EFCAB8: variants seen among roughly 807,000 people sequenced by gnomAD.
EFCAB8 encodes EF-hand calcium binding domain 8.
A neutral mutation model predicts 116.3 loss-of-function variants in EFCAB8; 100 were observed. That is an observed-to-expected ratio of 0.86 (90% CI 0.73 to 1.02). The LOEUF (loss-of-function observed/expected upper bound fraction) is 1.02, where lower values mean the gene tolerates loss of function less well. Among genes scored for constraint, EFCAB8 ranks in the 50% least tolerant of loss-of-function variants. EFCAB8 has a pLI of 0.00. For synonymous variants in EFCAB8, 558 were observed against 567.9 expected, an observed-to-expected ratio of 0.98 and a Z score of 0.25; for missense variants, 1,320 against 1,416.9, an observed-to-expected ratio of 0.93 and a Z score of 1.10.
At chr20:32,882,417 A>G (rs931338639) in intron 5 of EFCAB8, among the ~76,000 whole-genome samples, 10 of 152,198 alleles carry the variant, frequency 6.6e-5, no homozygotes, top group African/African-American at 1.9e-4. Flanking sequence ...CAGTTCCGGA[A>G]TCAGTCCTGG....
intron 20 of EFCAB8, among the ~76,000 whole-genome samples, chr20:32,922,444 C>T (rs11699338): frequency 0.61 from 92,290 of 151,998 alleles, 28,585 homozygotes; most frequent in Middle Eastern, 0.7. Context: ...ACATGCCAGC[C>T]GCTGGGGAAG....
chr20:32,954,772 C>G lies in EFCAB8; in HGVS notation c.2960-3649C>G, dbSNP rs535585810. Among the ~76,000 whole-genome samples the G allele has an allele frequency of 1.5e-3, 234 of 152,214 alleles. 1 individual carries two copies. The highest frequency in any genetic ancestry group is 5.5e-3 in the African/African-American group (230 of 41,528). The stretch of plus-strand genomic sequence containing the variant: ...AATAGGTGTTGAATTCTGTCAAACG[C>G]TTTTTCTGCTTCTACTGTGATAATC... On this transcript the variant is annotated intron_variant, in intron 23 of 26. Coordinates refer to ENST00000400522, the MANE Select transcript of EFCAB8 (RefSeq NM_001143967.2).
intron 5 of EFCAB8, among the ~76,000 whole-genome samples, chr20:32,881,598 C>T (rs1314750361): frequency 6.6e-6 from 1 of 152,192 alleles, no homozygotes; most frequent in Non-Finnish European, 1.5e-5. Flanking sequence ...TAGTATTCCT[C>T]CTTTTCTCCA....
intron 3 of EFCAB8, among the ~76,000 whole-genome samples, chr20:32,870,765 G>A (rs1984643434): frequency 6.6e-6 from 1 of 152,116 alleles, no homozygotes; most frequent in East Asian, 1.9e-4. Flanking sequence ...GCCTCCCAAA[G>A]TGTTGGGATT....
chr20:32,872,492 CAA>C (rs1385572657), intron 3 of EFCAB8, among the ~76,000 whole-genome samples: 1 of 152,022 alleles, frequency 6.6e-6, no homozygotes, highest in East Asian at 1.9e-4. Flanking sequence ...GACAGACAGA[CAA>C]GAGTGAAAGC....
intron 11 of EFCAB8, among the ~76,000 whole-genome samples, chr20:32,899,666 C>T (rs1222419954): frequency 6.6e-6 from 1 of 151,798 alleles, no homozygotes; most frequent in Non-Finnish European, 1.5e-5. Context: ...CCTCTGCCTC[C>T]CGGGTTCAAG....
chr20:32,933,162 C>T (rs535478392), intron 22 of EFCAB8, among the ~76,000 whole-genome samples: 4 of 152,276 alleles, frequency 2.6e-5, no homozygotes, highest in Non-Finnish European at 5.9e-5. Context: ...GTCTAAGCTC[C>T]AGTAGCAACC....
chr20:32,917,076 T>G, intron 17 of EFCAB8: 1 of 545,070 alleles, frequency 1.8e-6, no homozygotes. Context: ...TGACTATCTG[T>G]AAGATTAGTT....
At chr20:32,929,649 C>T (rs927452158) in intron 20 of EFCAB8, among the ~76,000 whole-genome samples, 11 of 151,696 alleles carry the variant, frequency 7.3e-5, no homozygotes, top group Admixed American at 1.3e-4. Flanking sequence ...TTTTGATAAT[C>T]GAGATTTTTG....
intron 6 of EFCAB8, among the ~76,000 whole-genome samples, chr20:32,887,683 C>T (rs965028255): frequency 1.3e-5 from 2 of 152,238 alleles, no homozygotes; most frequent in African/African-American, 4.8e-5. Flanking sequence ...CCCCAGGACA[C>T]AGCAGCTCAT....
Position 32,886,348 on chromosome 20 carries a change from T to C in EFCAB8, c.567+708T>C, listed in dbSNP as rs116317089. On this transcript the variant is annotated intron_variant, in intron 6 of 26. Transcript: ENST00000400522. ...TGGCTGAGAGTAGTAAGTGAGAAGA[T>C]GCTCAGGAGAACCCACTGTGTACTT... 4.1e-3 allele frequency among the ~76,000 whole-genome samples: 620 copies of C among 152,266 alleles called. 5 individuals are homozygous for C. The highest frequency in any genetic ancestry group is 0.014 in the African/African-American group (601 of 41,548).
intron 20 of EFCAB8, among the ~76,000 whole-genome samples, chr20:32,923,151 T>A (rs1443358506): frequency 6.6e-6 from 1 of 152,158 alleles, no homozygotes; most frequent in Admixed American, 6.5e-5. Flanking sequence ...GCCACTGCAC[T>A]CCAGCCTGGG....
chr20:32,906,346 C>T (rs1986671462), intron 11 of EFCAB8, among the ~76,000 whole-genome samples: 1 of 152,162 alleles, frequency 6.6e-6, no homozygotes, highest in African/African-American at 2.4e-5. Context: ...GACTGGGCTG[C>T]TGCTTTGCCT....
intron 6 of EFCAB8, 71 bp downstream of exon 6, chr20:32,885,711 G>A (rs1248801991): frequency 1.3e-5 from 20 of 1,520,422 alleles, no homozygotes; most frequent in Non-Finnish European, 1.8e-5. Flanking sequence ...CCCCCATGGT[G>A]AAGGTGACCT....
intron 11 of EFCAB8, among the ~76,000 whole-genome samples, chr20:32,906,279 G>C (rs992807671): frequency 2.0e-5 from 3 of 152,190 alleles, no homozygotes; most frequent in African/African-American, 7.2e-5. Context: ...TCCTGCCTGG[G>C]AGCTGTCTCT....
rs1238657550 is a variant in EFCAB8, at chr20:32,912,810, A to G, written c.1802A>G (p.His601Arg). The G allele has an allele frequency of 2.8e-6, 2 of 718,906 alleles. No homozygotes were observed. Among genetic ancestry groups the G allele is most frequent in the African/African-American group, 3.5e-5 (2 of 57,262 alleles). 44.5% of individuals were successfully genotyped at this position (718,906 alleles called of 1,614,324 possible). Residue 601 changes from histidine to arginine, a missense_variant, in exon 17 of 27, where the codon CAT (histidine) becomes CGT (arginine). Transcript: ENST00000400522. ...CTTCAACAGATTAGTGGGATTATCC[A>G]TATGAACAAAGTGTTCTATGTGACA... Reference protein sequence around the residue: ...PEQLEISGIIHMNKVFYVTGW... With the variant: ...PEQLEISGIIRMNKVFYVTGW...
chr20:32,868,514 TG>T, intron 3 of EFCAB8, among the ~76,000 whole-genome samples: 1 of 152,348 alleles, frequency 6.6e-6, no homozygotes, highest in Non-Finnish European at 1.5e-5. Context: ...AGCATTTTGG[TG>T]TATGTATTTT....
rs1052399153 is a variant in EFCAB8, at chr20:32,931,319, C to T, written c.2773C>T (p.Pro925Ser). The change falls in exon 22 of 27, where the codon CCC becomes TCC. Residue 925 changes from proline to serine, a missense_variant. Physicochemically the swap from Pro to Ser is moderately conservative, Grantham distance 74. Transcript: ENST00000400522. ...QLGTNFPHYI[P>S]LEDKEVVAGH... is the part of the protein sequence containing the mutation. ...TGGGACCAACTTCCCACACTACATT[C>T]CCTTGGAGGATAAAGAGGTAGGAGG... The T allele has an allele frequency of 5.2e-6, 8 of 1,546,392 alleles. No individual in the cohort carries two copies. The East Asian group carries it at 2.0e-4, about 38-fold the overall frequency.
chr20:32,859,175 G>T (rs190161958), intron 1 of EFCAB8, among the ~76,000 whole-genome samples, 169 bp downstream of exon 1: 6 of 152,074 alleles, frequency 3.9e-5, no homozygotes, highest in African/African-American at 1.2e-4. Flanking sequence ...CAAACCACTC[G>T]TTCCCCTCTC....
Sources: gnomAD v4.1 joint callset for allele counts (sites outside exome capture counted in the v4.1 genomes callset) on GRCh38, gnomAD v4.1.1 for gene constraint, MANE v1.5 for transcripts, NCBI Gene and HGNC (gene_info 2026-07-23, HGNC 2026-07-21) for gene names.